Variants in VAV3 observed in about 807,000 individuals in gnomAD.
VAV3 encodes guanine nucleotide exchange factor VAV3.
In VAV3, 94 loss-of-function variants were observed where a neutral mutation model predicts 131.2. The ratio of observed to expected loss-of-function variants is 0.72; its 90% CI spans 0.61 to 0.85. The LOEUF is 0.85. Ranked by LOEUF, VAV3 falls within the 40% of genes least tolerant of loss-of-function variation. The probability of loss-of-function intolerance (pLI) is 0.00; values close to 1 mark genes in which losing one functional copy is unlikely to be tolerated. For synonymous variants in VAV3, 349 were observed against 342.0 expected (o/e 1.02, Z -0.22); for missense variants, 939 against 1,002.7 (o/e 0.94, Z 0.86).
rs768452222 is a variant in VAV3, at chr1:107,617,596, G to GA, written c.1950dup (p.Pro651SerfsTer3). On this transcript the variant is annotated frameshift_variant, in exon 21 of 27. Transcript: ENST00000370056. LOFTEE classifies it high-confidence loss of function. ...GGGCAAGGCTTGACTGCATCACTTG[G>GA]AAAAAATCCAACCTCTCCAGATGCT... 6.2e-7 allele frequency: 1 copy of GA among 1,610,302 alleles called. No homozygotes were observed. The highest frequency in any genetic ancestry group is 8.5e-7 in the Non-Finnish European group (1 of 1,178,326).
intron 2 of VAV3, among the ~76,000 whole-genome samples, chr1:107,807,695 T>G (rs1667121111): frequency 6.6e-6 from 1 of 152,248 alleles, no homozygotes; most frequent in Non-Finnish European, 1.5e-5. Context: ...TTTGCAAACA[T>G]CTGAGACCAA....
chr1:107,687,479 C>G (rs894002827), intron 18 of VAV3, among the ~76,000 whole-genome samples: 3 of 152,058 alleles, frequency 2.0e-5, no homozygotes, highest in African/African-American at 7.2e-5. Flanking sequence ...GATTACTGTA[C>G]TTTTGGTTCA....
At chr1:107,792,562 A>G (rs1025349701) in intron 2 of VAV3, among the ~76,000 whole-genome samples, 1 of 152,220 alleles carries the variant, frequency 6.6e-6, no homozygotes, top group African/African-American at 2.4e-5. Flanking sequence ...CCATTACATA[A>G]TAGTGTTAAT....
chr1:107,888,072 A>G (rs1023739751), intron 1 of VAV3, among the ~76,000 whole-genome samples: 14 of 152,252 alleles, frequency 9.2e-5, no homozygotes, highest in Middle Eastern at 3.4e-3. Flanking sequence ...ATTCTTCTAC[A>G]TAAAGTAAAA....
chr1:107,884,139 T>TA (rs532625931), intron 1 of VAV3, among the ~76,000 whole-genome samples: 199 of 138,536 alleles, frequency 1.4e-3, no homozygotes, highest in Middle Eastern at 7.3e-3. Flanking sequence ...GGGCCCAGTT[T>TA]AAAAAAAAAA....
At chr1:107,722,840 C>CTTTCT (rs1553194881) in intron 15 of VAV3, among the ~76,000 whole-genome samples, 3 of 129,792 alleles carry the variant, frequency 2.3e-5, no homozygotes, top group Non-Finnish European at 4.7e-5. Context: ...ATTATCCTCT[C>CTTTCT]TTTTTTTTTT....
chr1:107,733,575 T>G (rs1283359709), intron 15 of VAV3, among the ~76,000 whole-genome samples: 5 of 152,070 alleles, frequency 3.3e-5, no homozygotes, highest in Admixed American at 6.6e-5. Flanking sequence ...AACCATGGCA[T>G]GAGAACTACG....
chr1:107,786,798 T>C (rs1361643066), intron 2 of VAV3, among the ~76,000 whole-genome samples: 1 of 152,206 alleles, frequency 6.6e-6, no homozygotes. Flanking sequence ...TAGGGTGTGT[T>C]TGTTCATAGC....
intron 2 of VAV3, among the ~76,000 whole-genome samples, chr1:107,871,192 T>A (rs1670237055): frequency 6.6e-6 from 1 of 152,186 alleles, no homozygotes; most frequent in African/African-American, 2.4e-5. Context: ...ACATTTTAAT[T>A]ACATTTCTTA....
At chr1:107,770,848 T>C (rs1359279625) in intron 5 of VAV3, 120 bp from the exon 6 acceptor site, 2 of 718,810 alleles carry the variant, frequency 2.8e-6, no homozygotes, top group Non-Finnish European at 4.5e-6. Context: ...CAACACATAA[T>C]TGAAAGACAT....
At chr1:107,876,613 T>C (rs1177182529) in intron 1 of VAV3, among the ~76,000 whole-genome samples, 2 of 151,890 alleles carry the variant, frequency 1.3e-5, no homozygotes, top group African/African-American at 2.4e-5. Context: ...ATCCACACTA[T>C]AACAGGGAGA....
chr1:107,698,267 T>C (rs531169023), intron 17 of VAV3, among the ~76,000 whole-genome samples: 2 of 152,284 alleles, frequency 1.3e-5, no homozygotes, highest in African/African-American at 2.4e-5. Context: ...CTTTAATATT[T>C]GAATTTTGAT....
intron 12 of VAV3, among the ~76,000 whole-genome samples, 166 bp downstream of exon 12, chr1:107,755,261 T>C (rs1453528431): frequency 6.6e-6 from 1 of 152,072 alleles, no homozygotes; most frequent in Non-Finnish European, 1.5e-5. Context: ...CACAAGCAGG[T>C]TGCAGGTGCC....
chr1:107,736,227 T>C (rs1008290524), intron 15 of VAV3, among the ~76,000 whole-genome samples: 1 of 152,154 alleles, frequency 6.6e-6, no homozygotes, highest in African/African-American at 2.4e-5. Flanking sequence ...AAGAGGTATT[T>C]ATGACAAACC....
intron 2 of VAV3, among the ~76,000 whole-genome samples, chr1:107,869,873 C>T (rs973215081): frequency 6.6e-6 from 1 of 152,210 alleles, no homozygotes; most frequent in African/African-American, 2.4e-5. Flanking sequence ...TTAGCTCCCA[C>T]ATATGAGTGA....
chr1:107,826,468 C>T (rs994369518), intron 2 of VAV3, among the ~76,000 whole-genome samples: 24 of 152,120 alleles, frequency 1.6e-4, no homozygotes, highest in African/African-American at 5.1e-4. Context: ...ATGAGCCCTC[C>T]TGCATTATAG....
At chr1:107,889,276 T>A (rs1671203835) in intron 1 of VAV3, among the ~76,000 whole-genome samples, 2 of 152,044 alleles carry the variant, frequency 1.3e-5, no homozygotes, top group Admixed American at 1.3e-4. Flanking sequence ...TTATTAAAGA[T>A]GTTTGATAAA....
chr1:107,654,868 T>C (rs886494480), intron 19 of VAV3, among the ~76,000 whole-genome samples: 2 of 151,946 alleles, frequency 1.3e-5, no homozygotes, highest in African/African-American at 4.8e-5. Flanking sequence ...AATAATGAAA[T>C]AGTACCTACA....
At chr1:107,949,696 G>A (rs921194751) in intron 1 of VAV3, among the ~76,000 whole-genome samples, 3 of 152,164 alleles carry the variant, frequency 2.0e-5, no homozygotes, top group African/African-American at 7.2e-5. Flanking sequence ...TAGTGAGGAT[G>A]AATTAATTGC....
Sources: allele counts gnomAD v4.1 joint callset (sites outside exome capture counted in the v4.1 genomes callset), GRCh38; gene constraint gnomAD v4.1.1; transcripts MANE v1.5; gene names NCBI Gene and HGNC (gene_info 2026-07-23, HGNC 2026-07-21).